Variants in CADPS2 observed in about 807,000 individuals in gnomAD.
CADPS2 encodes calcium-dependent secretion activator 2.
A neutral mutation model predicts 172.5 loss-of-function variants in CADPS2; 93 were observed. That is an observed-to-expected ratio of 0.54 (90% confidence interval 0.46 to 0.64). CADPS2 has a LOEUF of 0.64. CADPS2 is among the 30% of genes least tolerant of loss of function. The probability of loss-of-function intolerance (pLI) is 0.00; values close to 1 mark genes in which losing one functional copy is unlikely to be tolerated. For missense variants in CADPS2, 1,420 were observed against 1,565.9 expected (o/e 0.91, Z 1.57); for synonymous variants, 546 against 555.2 (o/e 0.98, Z 0.23).
intron 2 of CADPS2, among the ~76,000 whole-genome samples, chr7:122,710,620 T>G (rs567260439): frequency 3.3e-5 from 5 of 152,088 alleles, no homozygotes; most frequent in African/African-American, 4.8e-5. Context: ...ATTCAATAAA[T>G]GGGCCTTCCT....
At chr7:122,401,491 A>G (rs1170989941) in intron 20 of CADPS2, among the ~76,000 whole-genome samples, 1 of 152,218 alleles carries the variant, frequency 6.6e-6, no homozygotes, top group Non-Finnish European at 1.5e-5. Context: ...TTCATTTGTC[A>G]GAAGTGGTCA....
At chr7:122,433,166 A>G (rs997165446) in intron 17 of CADPS2, among the ~76,000 whole-genome samples, 1 of 149,818 alleles carries the variant, frequency 6.7e-6, no homozygotes, top group Non-Finnish European at 1.5e-5. Context: ...GTGTGTGTGG[A>G]GATGGGGTCT....
chr7:122,547,056 G>A (rs1450341768), intron 8 of CADPS2, among the ~76,000 whole-genome samples: 5 of 149,560 alleles, frequency 3.3e-5, no homozygotes, highest in Non-Finnish European at 5.9e-5. Flanking sequence ...TAATATGAAC[G>A]AAGCTCAAAT....
At chr7:122,556,910 TATG>T (rs1256760449) in intron 7 of CADPS2, among the ~76,000 whole-genome samples, 1 of 149,740 alleles carries the variant, frequency 6.7e-6, no homozygotes, top group Non-Finnish European at 1.5e-5. Flanking sequence ...TTCCCTAGAG[TATG>T]CAATGGTTTC....
At chr7:122,393,714 T>A in intron 20 of CADPS2, 132 bp from the exon 21 acceptor site, 1 of 836,626 alleles carries the variant, frequency 1.2e-6, no homozygotes, top group South Asian at 1.6e-5. Context: ...TGAGAGTAGA[T>A]CATACCCCCC....
chr7:122,490,246 T>C lies in CADPS2; in HGVS notation c.1687A>G (p.Lys563Glu). 1 of 1,613,202 alleles carries C rather than the reference T, an allele frequency of 6.2e-7. No individual in the cohort carries two copies. Among genetic ancestry groups the C allele is most frequent in the Non-Finnish European group, 8.5e-7 (1 of 1,179,480 alleles). ...QGGCMFFNAV[K>E]EGDTVIFASD... is the part of the protein sequence containing the mutation. The stretch of plus-strand genomic sequence containing the variant: ...GCAAAGATTACAGTATCTCCTTCTT[T>C]AACAGCATTAAAGAACATACAACCA... Residue 563 changes from lysine (K) to glutamate (E), a missense_variant, in exon 11 of 30, where the codon AAA (lysine) becomes GAA (glutamate). Transcript: ENST00000449022.
intron 2 of CADPS2, among the ~76,000 whole-genome samples, chr7:122,664,648 A>G (rs142736274): frequency 2.0e-5 from 3 of 152,330 alleles, no homozygotes; most frequent in East Asian, 3.9e-4. Context: ...CATAAGCCAT[A>G]TAAGACTGCT....
At chr7:122,689,404 G>A (rs990509371) in intron 2 of CADPS2, among the ~76,000 whole-genome samples, 3 of 152,170 alleles carry the variant, frequency 2.0e-5, no homozygotes, top group African/African-American at 7.2e-5. Context: ...ACAAAAGGAG[G>A]GCAACTCAGA....
At position 122,345,565 on chromosome 7, in the gene CADPS2, G is replaced by C; in HGVS notation, c.3612+9C>G. On this transcript the variant is annotated intron_variant, in intron 28 of 29. Transcript: ENST00000449022. ...GGTGTCAGCATACCTTGCAAGGGAA[G>C]CTACTTACATCAAATAACTTTTCTA... 1 of 1,506,874 alleles carries C rather than the reference G, an allele frequency of 6.6e-7. No homozygotes were observed. Among genetic ancestry groups the C allele is most frequent in the Non-Finnish European group, 9.2e-7 (1 of 1,085,546 alleles). The allele number at this position is 1,506,874 out of a possible 1,614,324, so 93.3% of individuals were successfully genotyped here. A position where few individuals can be genotyped will look rare whatever the true frequency, so the allele number is the denominator to read the frequency against.
At chr7:122,515,980 T>C (rs565693489) in intron 8 of CADPS2, among the ~76,000 whole-genome samples, 107 of 152,114 alleles carry the variant, frequency 7.0e-4, no homozygotes, top group African/African-American at 2.5e-3. Context: ...AGCTGCAACA[T>C]CATCAAAATG....
At chr7:122,649,595 TGCATACAAAGTTGGA>T (rs914608185) in intron 3 of CADPS2, among the ~76,000 whole-genome samples, 1 of 152,208 alleles carries the variant, frequency 6.6e-6, no homozygotes, top group African/African-American at 2.4e-5. Flanking sequence ...CATTCTAATG[TGCATACAAAGTTGGA>T]GAGCACTAAA....
chr7:122,449,814 T>C (rs1381037426), intron 15 of CADPS2, among the ~76,000 whole-genome samples: 9 of 152,152 alleles, frequency 5.9e-5, no homozygotes, highest in Admixed American at 1.3e-4. Context: ...GCAGAATATT[T>C]CTCCACTGTG....
At chr7:122,862,130 C>G (rs1354504784) in intron 1 of CADPS2, among the ~76,000 whole-genome samples, 1 of 152,160 alleles carries the variant, frequency 6.6e-6, no homozygotes, top group Non-Finnish European at 1.5e-5. Context: ...CAGACTGAAG[C>G]AAGCTATAGG....
chr7:122,338,297 T>G (rs2036215316), intron 28 of CADPS2, among the ~76,000 whole-genome samples: 2 of 152,198 alleles, frequency 1.3e-5, no homozygotes. Context: ...CTTGGGAGGC[T>G]GAGGAAGAAT....
intron 1 of CADPS2, among the ~76,000 whole-genome samples, chr7:122,844,018 T>C (rs1811292075): frequency 6.6e-6 from 1 of 152,190 alleles, no homozygotes. Flanking sequence ...ACGAGTTAGT[T>C]AGGAATCCAG....
intron 25 of CADPS2, chr7:122,368,196 A>G (rs980946813): frequency 2.6e-5 from 4 of 152,208 alleles, no homozygotes; most frequent in East Asian, 3.9e-4. Flanking sequence ...TTTCATTGCT[A>G]TATATAAGGT....
At chr7:122,553,984 G>A (rs1263194419) in intron 8 of CADPS2, among the ~76,000 whole-genome samples, 1 of 152,064 alleles carries the variant, frequency 6.6e-6, no homozygotes, top group African/African-American at 2.4e-5. Context: ...CAGAGATGAA[G>A]GCTGACTCTG....
intron 2 of CADPS2, among the ~76,000 whole-genome samples, chr7:122,728,665 A>T (rs1361687920): frequency 6.6e-6 from 1 of 151,792 alleles, no homozygotes; most frequent in Non-Finnish European, 1.5e-5. Context: ...CAACGGAAGA[A>T]ATTAACATTC....
At chr7:122,418,607 G>C (rs1453219815) in intron 17 of CADPS2, among the ~76,000 whole-genome samples, 1 of 152,136 alleles carries the variant, frequency 6.6e-6, no homozygotes, top group African/African-American at 2.4e-5. Flanking sequence ...TAGTAGAACA[G>C]TGAACTATGG....
Sources: allele counts gnomAD v4.1 joint callset (sites outside exome capture counted in the v4.1 genomes callset), GRCh38; gene constraint gnomAD v4.1.1; transcripts MANE v1.5; gene names NCBI Gene and HGNC (gene_info 2026-07-23, HGNC 2026-07-21).